The following SEMA5A variants were observed in gnomAD, a reference collection of about 807,000 sequenced individuals.
The protein encoded by SEMA5A is semaphorin 5A.
Under a neutral mutation model 135.5 loss-of-function variants are expected in SEMA5A, and 55 were observed. That is an observed-to-expected ratio of 0.41 (90% CI 0.33 to 0.51). The LOEUF (loss-of-function observed/expected upper bound fraction) is 0.51, where lower values mean the gene tolerates loss of function less well. SEMA5A is among the 20% of genes least tolerant of loss of function. The probability of loss-of-function intolerance (pLI) is 0.37; values close to 1 mark genes in which losing one functional copy is unlikely to be tolerated. For synonymous variants in SEMA5A, 580 were observed against 546.5 expected (o/e 1.06, Z -0.85); for missense variants, 1,290 against 1,419.9 (o/e 0.91, Z 1.47).
chr5:9,168,432 T>C (rs887424237), intron 11 of SEMA5A, among the ~76,000 whole-genome samples: 7 of 152,160 alleles, frequency 4.6e-5, no homozygotes, highest in Admixed American at 3.3e-4. Flanking sequence ...GTCTTGACTA[T>C]TCTTTAACTG....
intron 1 of SEMA5A, among the ~76,000 whole-genome samples, chr5:9,508,200 G>A (rs1156390728): frequency 6.6e-6 from 1 of 151,986 alleles, no homozygotes; most frequent in South Asian, 2.1e-4. Flanking sequence ...TTTCTCCACT[G>A]TTTCTCATTT....
At chr5:9,275,802 T>C (rs1324750985) in intron 5 of SEMA5A, among the ~76,000 whole-genome samples, 1 of 152,184 alleles carries the variant, frequency 6.6e-6, no homozygotes, top group African/African-American at 2.4e-5. Context: ...CTAAAAACTT[T>C]CAATAAACTA....
intron 2 of SEMA5A, among the ~76,000 whole-genome samples, chr5:9,380,368 G>C (rs1271983030): frequency 6.6e-6 from 1 of 152,104 alleles, no homozygotes; most frequent in Non-Finnish European, 1.5e-5. Context: ...GATTTCCCTT[G>C]GTCACCTGTC....
chr5:9,142,556 G>A (rs1410075294), intron 12 of SEMA5A, among the ~76,000 whole-genome samples: 1 of 152,218 alleles, frequency 6.6e-6, no homozygotes, highest in Non-Finnish European at 1.5e-5. Flanking sequence ...TTGTGGTAGT[G>A]ATCAAACTGC....
At chr5:9,353,054 G>A (rs1269328089) in intron 3 of SEMA5A, among the ~76,000 whole-genome samples, 1 of 84,116 alleles carries the variant, frequency 1.2e-5, no homozygotes, top group Non-Finnish European at 2.1e-5. Context: ...AGGAAGGAAA[G>A]GAAAGGAAGG....
chr5:9,503,994 A>G (rs1214884558), intron 1 of SEMA5A, among the ~76,000 whole-genome samples: 1 of 152,148 alleles, frequency 6.6e-6, no homozygotes, highest in African/African-American at 2.4e-5. Flanking sequence ...AGGCGGGCAG[A>G]TCACAAGGTC....
chr5:9,161,913 A>C (rs1743279167), intron 11 of SEMA5A, among the ~76,000 whole-genome samples: 2 of 152,228 alleles, frequency 1.3e-5, no homozygotes, highest in Admixed American at 1.3e-4. Flanking sequence ...CTACACGGCC[A>C]GTAAATGTGG....
At chr5:9,107,232 G>A (rs1170397118) in intron 16 of SEMA5A, among the ~76,000 whole-genome samples, 2 of 152,160 alleles carry the variant, frequency 1.3e-5, no homozygotes, top group East Asian at 1.9e-4. Flanking sequence ...AGGCAGGTGA[G>A]TAAGGGGAAA....
At chr5:9,077,638 C>T (rs187682954) in intron 16 of SEMA5A, among the ~76,000 whole-genome samples, 30 of 152,274 alleles carry the variant, frequency 2.0e-4, no homozygotes, top group Admixed American at 1.2e-3. Flanking sequence ...GTTTGCAAGG[C>T]GGTCTCCCAA....
chr5:9,319,228 T>G (rs1213920777), intron 4 of SEMA5A, among the ~76,000 whole-genome samples: 1 of 151,736 alleles, frequency 6.6e-6, no homozygotes, highest in Admixed American at 6.6e-5. Flanking sequence ...AAATAATAAA[T>G]ACATAAATAT....
At chr5:9,158,770 T>C (rs1015314772) in intron 11 of SEMA5A, among the ~76,000 whole-genome samples, 4 of 152,252 alleles carry the variant, frequency 2.6e-5, no homozygotes, top group Non-Finnish European at 5.9e-5. Flanking sequence ...GGGACAGAGC[T>C]ACTTCAAGAC....
At chr5:9,267,373 T>A (rs905201294) in intron 5 of SEMA5A, among the ~76,000 whole-genome samples, 15 of 152,168 alleles carry the variant, frequency 9.9e-5, no homozygotes, top group African/African-American at 3.6e-4. Flanking sequence ...CATCAATTCC[T>A]TGTGACAGTT....
chr5:9,055,562 T>A (rs1249709329), intron 18 of SEMA5A, among the ~76,000 whole-genome samples: 1 of 152,218 alleles, frequency 6.6e-6, no homozygotes, highest in Non-Finnish European at 1.5e-5. Flanking sequence ...GTAATGTTTC[T>A]TTTTAGATAT....
intron 11 of SEMA5A, among the ~76,000 whole-genome samples, chr5:9,163,234 T>C (rs1343761873): frequency 6.6e-6 from 1 of 150,792 alleles, no homozygotes; most frequent in Non-Finnish European, 1.5e-5. Context: ...AAACAGACGA[T>C]GAAAAAAAAC....
intron 1 of SEMA5A, among the ~76,000 whole-genome samples, chr5:9,485,244 C>T (rs1226924490): frequency 1.3e-5 from 2 of 149,398 alleles, no homozygotes; most frequent in South Asian, 2.1e-4. Context: ...CTCCCACCCC[C>T]AGGCCCTGGA....
chr5:9,443,382 G>A (rs1758311028), intron 1 of SEMA5A, among the ~76,000 whole-genome samples: 1 of 151,886 alleles, frequency 6.6e-6, no homozygotes. Context: ...AGGAAGAGGG[G>A]GAAGAAAAAC....
At chr5:9,156,207 T>C (rs150156454) in intron 11 of SEMA5A, among the ~76,000 whole-genome samples, 2 of 152,366 alleles carry the variant, frequency 1.3e-5, no homozygotes, top group Non-Finnish European at 1.5e-5. Context: ...AAAAAATTTA[T>C]GTCTTAATTC....
chr5:9,058,462 T>G (rs1474853221), intron 18 of SEMA5A, among the ~76,000 whole-genome samples: 1 of 152,174 alleles, frequency 6.6e-6, no homozygotes, highest in Non-Finnish European at 1.5e-5. Flanking sequence ...CATGGGAAGA[T>G]CAGACAAACA....
intron 1 of SEMA5A, among the ~76,000 whole-genome samples, chr5:9,520,467 C>T (rs1404640379): frequency 1.3e-5 from 2 of 151,908 alleles, no homozygotes; most frequent in African/African-American, 4.8e-5. Flanking sequence ...GTCAGAGGGG[C>T]TTAGAAGGTG....
Sources: gnomAD v4.1 joint callset for allele counts (sites outside exome capture counted in the v4.1 genomes callset) on GRCh38, gnomAD v4.1.1 for gene constraint, MANE v1.5 for transcripts, NCBI Gene and HGNC (gene_info 2026-07-23, HGNC 2026-07-21) for gene names.